EFR3B: variants seen among roughly 807,000 people sequenced by gnomAD.
EFR3B encodes EFR3 homolog B.
In EFR3B, 64 loss-of-function variants were observed where a neutral mutation model predicts 104.7. The observed-to-expected ratio is 0.61, with a 90% CI of 0.50 to 0.75. EFR3B has a LOEUF of 0.75. Among genes scored for constraint, EFR3B ranks in the 30% least tolerant of loss-of-function variants. The pLI is 0.00. For synonymous variants in EFR3B, 385 were observed against 417.9 expected (o/e 0.92, Z 0.96); for missense variants, 750 against 1,078.5 (o/e 0.70, Z 4.27).
chr2:25,057,233 T>A (rs1298991608), intron 1 of EFR3B, among the ~76,000 whole-genome samples: 10 of 152,030 alleles, frequency 6.6e-5, no homozygotes, highest in Non-Finnish European at 1.5e-4. Context: ...CCCACTGGGG[T>A]AGGGGTAGGT....
rs1465925779 is a variant in EFR3B at position 25,151,798 on chromosome 2, A to G, written c.2192-116A>G. On this transcript the variant is annotated intron_variant, in intron 20 of 22. Transcript: ENST00000403714. ...CCGCACCTCCACGCCACTGTCCCCT[A>G]CTCTTCAGAAGAGGGGAGAGCCCAA... 4 of 1,166,820 alleles carry G rather than the reference A, an allele frequency of 3.4e-6. No individual in the cohort carries two copies. The African/African-American group carries it at 6.1e-5, about 18-fold the overall frequency. 72.3% of individuals were successfully genotyped at this position (1,166,820 alleles called of 1,614,324 possible).
In EFR3B at chr2:25,102,365, A is replaced by G. The variant is rs983424893; in HGVS notation, c.213-1272A>G. On this transcript the variant is annotated intron_variant, in intron 3 of 22. Coordinates refer to ENST00000403714, the MANE Select transcript of EFR3B (RefSeq NM_014971.2). The stretch of plus-strand genomic sequence containing the variant: ...TATATTAGTCCATTCTCATGCTGCT[A>G]TGAAGAAATACCCAAGACTGGGTAA... 4.6e-5 allele frequency among the ~76,000 whole-genome samples: 7 copies of G among 152,310 alleles called. No individual in the cohort carries two copies. The East Asian group carries it at 9.6e-4, about 21-fold the overall frequency.
At chr2:25,059,577 G>T (rs768671890) in intron 1 of EFR3B, among the ~76,000 whole-genome samples, 2 of 120,300 alleles carry the variant, frequency 1.7e-5, no homozygotes, top group Non-Finnish European at 3.8e-5. Context: ...GACTGCGGGG[G>T]GGGGGGGGGT....
At chr2:25,150,431 A>C (rs1414798132) in intron 20 of EFR3B, among the ~76,000 whole-genome samples, 1 of 152,154 alleles carries the variant, frequency 6.6e-6, no homozygotes, top group African/African-American at 2.4e-5. Flanking sequence ...TTAATAACGA[A>C]TCATATGAAT....
At chr2:25,095,067 A>C (rs1216751266) in intron 3 of EFR3B, among the ~76,000 whole-genome samples, 1 of 152,174 alleles carries the variant, frequency 6.6e-6, no homozygotes, top group Non-Finnish European at 1.5e-5. Context: ...TTGGGATTAC[A>C]GGCATGAGCT....
rs1400829402 is a variant in EFR3B, at chr2:25,114,066, G to A, written c.364-7607G>A. 2.6e-5 allele frequency among the ~76,000 whole-genome samples: 4 copies of A among 152,176 alleles called. No homozygotes were observed. The highest frequency in any genetic ancestry group is 5.9e-5 in the Non-Finnish European group (4 of 68,036). On this transcript the variant is annotated intron_variant, in intron 4 of 22. Coordinates refer to ENST00000403714, the MANE Select transcript of EFR3B (RefSeq NM_014971.2). The surrounding 1 kb of genome is among the most constrained non-coding windows in gnomAD (Gnocchi z 4.0). Reference sequence around the variant, plus strand: ...GGCTTACTCGCTCTAAAACCGGAGAGTCCCAACCTCATCTCAGCCAGACAT... The same window carrying A: ...GGCTTACTCGCTCTAAAACCGGAGAATCCCAACCTCATCTCAGCCAGACAT...
At position 25,154,205 on chromosome 2, in the gene EFR3B, C is replaced by T; in HGVS notation, c.2349-30C>T. 6.5e-7 allele frequency: 1 copy of T among 1,543,170 alleles called. No individual in the cohort carries two copies. The highest frequency in any genetic ancestry group is 8.8e-7 in the Non-Finnish European group (1 of 1,139,668). On this transcript the variant is annotated intron_variant, in intron 22 of 22. Coordinates refer to ENST00000403714, the MANE Select transcript of EFR3B (RefSeq NM_014971.2). The surrounding 1 kb of genome is among the most constrained non-coding windows in gnomAD (Gnocchi z 4.1). ...GGGATCCTAAAATTCTCTTTTCATG[C>T]CTTTCTCCCCATGTGTTCCTGCCCC...
At chr2:25,055,725 G>A (rs1166762544) in intron 1 of EFR3B, among the ~76,000 whole-genome samples, 1 of 152,154 alleles carries the variant, frequency 6.6e-6, no homozygotes, top group South Asian at 2.1e-4. Context: ...AGAAAGGAAC[G>A]ACTTACAATG....
At chr2:25,144,471 G>C (rs923805204) in intron 18 of EFR3B, among the ~76,000 whole-genome samples, 2 of 152,056 alleles carry the variant, frequency 1.3e-5, no homozygotes, top group Non-Finnish European at 2.9e-5. Flanking sequence ...TTGAACCCGG[G>C]AGGCAAAGAT....
At chr2:25,124,549 G>A (rs139409320) in intron 5 of EFR3B, among the ~76,000 whole-genome samples, 219 of 151,602 alleles carry the variant, frequency 1.4e-3, no homozygotes, top group African/African-American at 5.0e-3. Context: ...TGGCTAACAC[G>A]GTGAAACCCC....
chr2:25,077,195 G>A (rs1668652490), intron 1 of EFR3B, among the ~76,000 whole-genome samples: 1 of 151,942 alleles, frequency 6.6e-6, no homozygotes, highest in South Asian at 2.1e-4. Flanking sequence ...GCGTCACTCA[G>A]AATAATGAAA....
chr2:25,116,330 G>T (rs1450668591), intron 4 of EFR3B, among the ~76,000 whole-genome samples: 1 of 152,104 alleles, frequency 6.6e-6, no homozygotes, highest in Non-Finnish European at 1.5e-5. Flanking sequence ...ACATTTTAAA[G>T]AAAAGGAAAC....
At chr2:25,115,943 A>T (rs1669847513) in intron 4 of EFR3B, 1 of 152,206 alleles carries the variant, frequency 6.6e-6, no homozygotes, top group Non-Finnish European at 1.5e-5. Context: ...TGTCTTTCGG[A>T]TATTTTGAAG....
chr2:25,082,113 C>T (rs1331852176), intron 1 of EFR3B, among the ~76,000 whole-genome samples: 2 of 152,236 alleles, frequency 1.3e-5, no homozygotes, highest in African/African-American at 4.8e-5. Flanking sequence ...GCAAGGCTGC[C>T]AGCAGCTGCA....
chr2:25,063,969 C>T (rs113390886), intron 1 of EFR3B, among the ~76,000 whole-genome samples: 12 of 152,314 alleles, frequency 7.9e-5, no homozygotes, highest in African/African-American at 2.6e-4. Flanking sequence ...GGCCCATGCG[C>T]GGTAGAGCTG....
At chr2:25,135,990 TAAG>T (rs1374754858) in intron 13 of EFR3B, among the ~76,000 whole-genome samples, 1 of 151,216 alleles carries the variant, frequency 6.6e-6, no homozygotes, top group Admixed American at 6.6e-5. Flanking sequence ...TTGGGGGGAA[TAAG>T]AGGAGGAAGA....
chr2:25,065,346 ATTTTTTT>A (rs749717958), intron 1 of EFR3B, among the ~76,000 whole-genome samples: 261 of 93,356 alleles, frequency 2.8e-3, no homozygotes, highest in African/African-American at 6.1e-3. Flanking sequence ...ACACCCAGCT[ATTTTTTT>A]TTTTTTTTTT....
rs1432521293 is a variant in EFR3B, at chr2:25,093,004, A to G, written c.86A>G (p.Asp29Gly). The G allele has an allele frequency of 1.9e-6, 3 of 1,545,142 alleles. No individual in the cohort carries two copies. Among genetic ancestry groups the G allele is most frequent in the East Asian group, 4.9e-5 (2 of 40,932 alleles). ...AGCACAAGCTGTTTTCTCCTACAGG[A>G]TGGTCTGGTGAAGACCAACATGGAG... Reference protein sequence around the residue: ...VDNIFPEDPEDGLVKTNMEKL... With the variant: ...VDNIFPEDPEGGLVKTNMEKL... The change falls in exon 3 of 23, where the codon GAT becomes GGT. Residue 29 changes from aspartate (D) to glycine (G), a missense_variant and splice_region_variant. Physicochemically the swap from Asp to Gly is moderately conservative, Grantham distance 94. Transcript: ENST00000403714.
intron 6 of EFR3B, among the ~76,000 whole-genome samples, chr2:25,129,077 T>G (rs1670252291): frequency 6.7e-6 from 1 of 149,620 alleles, no homozygotes; most frequent in Non-Finnish European, 1.5e-5. Flanking sequence ...TGATGCTATT[T>G]CAGGCCCTGA....
Sources: allele counts gnomAD v4.1 joint callset (sites outside exome capture counted in the v4.1 genomes callset), GRCh38; gene constraint gnomAD v4.1.1; non-coding constraint Gnocchi (gnomAD v3.1); transcripts MANE v1.5; gene names NCBI Gene and HGNC (gene_info 2026-07-23, HGNC 2026-07-21).